The following CPA6 variants were observed in gnomAD, a reference collection of about 807,000 sequenced individuals.
CPA6 encodes carboxypeptidase B.
CPA6 carries 58 observed loss-of-function variants against 63.3 expected under a neutral mutation model. That is an observed-to-expected ratio of 0.92 (90% CI 0.74 to 1.14). The LOEUF (loss-of-function observed/expected upper bound fraction) is 1.14, where lower values mean the gene tolerates loss of function less well. CPA6 is among the 50% of genes most tolerant of loss of function. The pLI is 0.00. For synonymous variants in CPA6, 185 were observed against 179.0 expected, an observed-to-expected ratio of 1.03 and a Z score of -0.27; for missense variants, 565 against 526.6, an observed-to-expected ratio of 1.07 and a Z score of -0.71.
At position 67,545,636 on chromosome 8, in the gene CPA6, C is replaced by T. The variant is rs572711316; in HGVS notation, c.193-27589G>A. ...AGGCTGGAGTACAATGGCGTGATCT[C>T]GGCTCACTGCACTCCACCCCCTGGG... is the stretch of plus-strand genomic sequence containing the variant. On this transcript the variant is annotated intron_variant, in intron 2 of 10. Coordinates refer to ENST00000297770, the MANE Select transcript of CPA6 (RefSeq NM_020361.5). 5.1e-5 allele frequency among the ~76,000 whole-genome samples: 7 copies of T among 136,690 alleles called. No homozygotes were observed. The South Asian group carries it at 1.7e-3, about 33-fold the overall frequency. The allele number at this position is 136,690 out of a possible 152,430, so 89.7% of individuals were successfully genotyped here.
chr8:67,466,241 T>C (rs1402773665), intron 8 of CPA6, among the ~76,000 whole-genome samples: 2 of 152,148 alleles, frequency 1.3e-5, no homozygotes, highest in Non-Finnish European at 2.9e-5. Context: ...CTAGTTTGTG[T>C]GCATAGAGGT....
intron 6 of CPA6, 35 bp downstream of exon 6, chr8:67,506,752 G>T: frequency 7.2e-7 from 1 of 1,382,638 alleles, no homozygotes; most frequent in Non-Finnish European, 1.0e-6. Context: ...GCACTGACTA[G>T]CTGAAATGGA....
At chr8:67,528,931 A>T (rs1157021813) in intron 2 of CPA6, among the ~76,000 whole-genome samples, 1 of 151,554 alleles carries the variant, frequency 6.6e-6, no homozygotes, top group Non-Finnish European at 1.5e-5. Context: ...GAAAAGTCTA[A>T]GGAGAGACTA....
intron 2 of CPA6, among the ~76,000 whole-genome samples, chr8:67,572,242 G>A (rs1813502988): frequency 6.6e-6 from 1 of 152,224 alleles, no homozygotes; most frequent in Non-Finnish European, 1.5e-5. Flanking sequence ...CAAAACTCAT[G>A]CTGCAATTTG....
At chr8:67,655,135 A>T (rs1301190622) in intron 1 of CPA6, among the ~76,000 whole-genome samples, 1 of 152,184 alleles carries the variant, frequency 6.6e-6, no homozygotes. Flanking sequence ...CCTTGAATGC[A>T]TCTGGGGTTT....
chr8:67,483,801 C>T lies in CPA6; in HGVS notation c.805G>A (p.Asp269Asn). 3 of 1,614,154 alleles carry T rather than the reference C, an allele frequency of 1.9e-6. No individual in the cohort carries two copies. The highest frequency in any genetic ancestry group is 2.5e-6 in the Non-Finnish European group (3 of 1,180,002). Residue 269 changes from aspartate (D) to asparagine (N), a missense_variant, in exon 8 of 11, where the codon GAT becomes AAT. Physicochemically the swap from Asp to Asn is conservative, Grantham distance 23 (BLOSUM62 1). Coordinates refer to ENST00000297770, the MANE Select transcript of CPA6 (RefSeq NM_020361.5). ...TTCACTTTCCAGTTTCTATTGGCATCCACTCCACGGCAGCGAAACCTTGAG... is the reference window on the plus strand; with the variant it reads ...TTCACTTTCCAGTTTCTATTGGCATTCACTCCACGGCAGCGAAACCTTGAG... ...RNSRFRCRGV[D>N]ANRNWKVKWC... is the part of the protein sequence containing the mutation.
At chr8:67,544,321 T>C (rs181073865) in intron 2 of CPA6, among the ~76,000 whole-genome samples, 44 of 152,348 alleles carry the variant, frequency 2.9e-4, no homozygotes, top group African/African-American at 1.0e-3. Context: ...AATTCATTGT[T>C]ACAGGAAGGA....
At chr8:67,466,122 G>A (rs1392391635) in intron 8 of CPA6, among the ~76,000 whole-genome samples, 2 of 121,826 alleles carry the variant, frequency 1.6e-5, no homozygotes, top group Non-Finnish European at 3.3e-5. Flanking sequence ...TTTAATTACT[G>A]CTTCAAGTTT....
intron 2 of CPA6, among the ~76,000 whole-genome samples, chr8:67,562,391 C>G (rs1283872602): frequency 6.6e-6 from 1 of 152,250 alleles, no homozygotes; most frequent in Non-Finnish European, 1.5e-5. Flanking sequence ...CTGGCCCTGA[C>G]AGAATGTCTG....
intron 8 of CPA6, among the ~76,000 whole-genome samples, chr8:67,442,496 G>T (rs1050577951): frequency 2.0e-5 from 3 of 152,138 alleles, no homozygotes; most frequent in African/African-American, 7.2e-5. Context: ...GACAAATCTA[G>T]AGGGATAGAT....
intron 2 of CPA6, among the ~76,000 whole-genome samples, chr8:67,619,470 C>G (rs997991354): frequency 6.6e-6 from 1 of 152,166 alleles, no homozygotes; most frequent in African/African-American, 2.4e-5. Context: ...AATTACAAGT[C>G]AGGCTTTAGG....
At chr8:67,475,864 TTTCTTTC>T (rs1811197725) in intron 8 of CPA6, among the ~76,000 whole-genome samples, 1 of 99,452 alleles carries the variant, frequency 1.0e-5, no homozygotes, top group Non-Finnish European at 2.0e-5. Context: ...TCTTTCTTTC[TTTCTTTC>T]TTTCTTTCTC....
At chr8:67,687,462 G>A (rs1816729934) in intron 1 of CPA6, among the ~76,000 whole-genome samples, 1 of 152,184 alleles carries the variant, frequency 6.6e-6, no homozygotes, top group South Asian at 2.1e-4. Context: ...GAGCTTTGGG[G>A]TCAGGCAGAC....
intron 8 of CPA6, among the ~76,000 whole-genome samples, chr8:67,446,742 C>G (rs1382406172): frequency 6.6e-6 from 1 of 152,078 alleles, no homozygotes; most frequent in Non-Finnish European, 1.5e-5. Context: ...TTTTAAATTT[C>G]TCATAAATGG....
At chr8:67,714,531 T>C (rs1490751979) in intron 1 of CPA6, among the ~76,000 whole-genome samples, 1 of 152,114 alleles carries the variant, frequency 6.6e-6, no homozygotes, top group Non-Finnish European at 1.5e-5. Context: ...AGACCCTGTC[T>C]CTAGAAAAGT....
chr8:67,498,825 A>T (rs550528499), intron 6 of CPA6, among the ~76,000 whole-genome samples: 1 of 152,282 alleles, frequency 6.6e-6, no homozygotes, highest in Non-Finnish European at 1.5e-5. Context: ...TTACATGATT[A>T]AAAAAATTTG....
chr8:67,498,897 C>G (rs1439277144), intron 6 of CPA6, among the ~76,000 whole-genome samples: 1 of 152,172 alleles, frequency 6.6e-6, no homozygotes, highest in Non-Finnish European at 1.5e-5. Flanking sequence ...AAGGTGATGG[C>G]TCTACGTTTT....
chr8:67,524,059 T>A (rs1269445366), intron 2 of CPA6, among the ~76,000 whole-genome samples: 1 of 152,234 alleles, frequency 6.6e-6, no homozygotes. Flanking sequence ...AATTCAATAT[T>A]AGTTTACACA....
chr8:67,477,155 G>C (rs1407698222), intron 8 of CPA6, among the ~76,000 whole-genome samples: 1 of 151,854 alleles, frequency 6.6e-6, no homozygotes, highest in African/African-American at 2.4e-5. Flanking sequence ...GTTGGGAGTG[G>C]TGGCGGGCAC....
Sources: gnomAD v4.1 joint callset for allele counts (sites outside exome capture counted in the v4.1 genomes callset) on GRCh38, gnomAD v4.1.1 for gene constraint, MANE v1.5 for transcripts, NCBI Gene and HGNC (gene_info 2026-07-23, HGNC 2026-07-21) for gene names.